Variants in DCDC2C observed in about 807,000 individuals in gnomAD.
DCDC2C encodes the protein doublecortin domain containing 2C, also known as doublecortin domain-containing protein 2C.
DCDC2C carries 44 observed loss-of-function variants against 45.0 expected under a neutral mutation model. The observed-to-expected ratio is 0.98, with a 90% CI of 0.77 to 1.26. The LOEUF is 1.26. DCDC2C is among the 50% of genes most tolerant of loss of function. DCDC2C has a pLI of 0.00. For missense variants in DCDC2C, 447 were observed against 468.9 expected, an observed-to-expected ratio of 0.95 and a Z score of 0.43; for synonymous variants, 187 against 178.8, an observed-to-expected ratio of 1.05 and a Z score of -0.37.
intron 10 of DCDC2C, among the ~76,000 whole-genome samples, chr2:3,822,814 A>G (rs543812595): frequency 3.3e-5 from 5 of 152,096 alleles, no homozygotes; most frequent in African/African-American, 1.2e-4. Context: ...CTCATCTTGT[A>G]TTCTCATGTG....
At chr2:3,769,189 A>G in intron 7 of DCDC2C, 122 bp from the exon 8 acceptor site, 1 of 822,296 alleles carries the variant, frequency 1.2e-6, no homozygotes, top group Non-Finnish European at 1.9e-6. Context: ...ACTGCAGACC[A>G]GGTGGCCTGC....
chr2:3,725,195 C>T (rs1308456216), intron 2 of DCDC2C, among the ~76,000 whole-genome samples: 5 of 152,098 alleles, frequency 3.3e-5, no homozygotes, highest in Admixed American at 6.5e-5. Flanking sequence ...GGCTTAGTGC[C>T]GGCGGGGGCG....
intron 10 of DCDC2C, among the ~76,000 whole-genome samples, chr2:3,794,556 C>T (rs1670908007): frequency 6.6e-6 from 1 of 152,154 alleles, no homozygotes; most frequent in South Asian, 2.1e-4. Context: ...TGATGTTCCC[C>T]TTCCTGTGTC....
intron 9 of DCDC2C, among the ~76,000 whole-genome samples, chr2:3,781,264 C>T (rs371347328): frequency 1.1e-4 from 17 of 152,262 alleles, no homozygotes; most frequent in African/African-American, 4.1e-4. Context: ...TCTCAATGAA[C>T]TGTAGTTCAC....
At chr2:3,738,539 GGAAAAAAAAAAAAA>G (rs1191658979) in intron 3 of DCDC2C, among the ~76,000 whole-genome samples, 2 of 55,248 alleles carry the variant, frequency 3.6e-5, no homozygotes, top group Admixed American at 2.6e-4. Flanking sequence ...GGTCTATCTG[GGAAAAAAAAAAAAA>G]AAAAAAAAAA....
chr2:3,805,092 A>G (rs1671206167), intron 10 of DCDC2C, among the ~76,000 whole-genome samples: 1 of 152,240 alleles, frequency 6.6e-6, no homozygotes. Context: ...CCTCAGCTAC[A>G]AGAATCATGT....
intron 2 of DCDC2C, among the ~76,000 whole-genome samples, chr2:3,713,903 A>T (rs546029443): frequency 1.3e-5 from 2 of 152,224 alleles, no homozygotes; most frequent in Non-Finnish European, 2.9e-5. Context: ...AGCTGATCCT[A>T]TCCAAATTTG....
At chr2:3,731,140 C>T (rs150730926) in intron 3 of DCDC2C, among the ~76,000 whole-genome samples, 2 of 152,210 alleles carry the variant, frequency 1.3e-5, no homozygotes, top group East Asian at 3.9e-4. Flanking sequence ...TTTGCTGATC[C>T]CCTTTGTAAC....
intron 10 of DCDC2C, among the ~76,000 whole-genome samples, chr2:3,840,833 G>A (rs1672194792): frequency 6.6e-6 from 1 of 152,224 alleles, no homozygotes; most frequent in South Asian, 2.1e-4. Context: ...GTTTCGCAGT[G>A]AAAGTGTCCG....
intron 4 of DCDC2C, among the ~76,000 whole-genome samples, chr2:3,749,949 C>A (rs893086240): frequency 6.6e-6 from 1 of 152,100 alleles, no homozygotes; most frequent in Non-Finnish European, 1.5e-5. Context: ...TGAGTTTTTT[C>A]GGGTGCATTT....
chr2:3,705,484 G>T (rs1397273100), intron 1 of DCDC2C, among the ~76,000 whole-genome samples: 3 of 152,196 alleles, frequency 2.0e-5, no homozygotes, highest in Admixed American at 1.3e-4. Context: ...TACAATTAAA[G>T]AATATATCTC....
chr2:3,785,943 C>T (rs536270754), intron 10 of DCDC2C, among the ~76,000 whole-genome samples: 3 of 152,172 alleles, frequency 2.0e-5, no homozygotes, highest in Non-Finnish European at 4.4e-5. Flanking sequence ...CTCCTTAAAA[C>T]CTGATTGCCT....
intron 10 of DCDC2C, among the ~76,000 whole-genome samples, chr2:3,804,989 G>A (rs186890626): frequency 1.3e-5 from 2 of 152,304 alleles, no homozygotes; most frequent in East Asian, 3.9e-4. Flanking sequence ...GATGTATGTA[G>A]CATTACCTTC....
intron 10 of DCDC2C, among the ~76,000 whole-genome samples, chr2:3,811,517 A>T (rs1221460418): frequency 1.3e-5 from 2 of 152,184 alleles, no homozygotes; most frequent in Admixed American, 1.3e-4. Context: ...CAGTCATGTC[A>T]TCTGCAAACA....
intron 6 of DCDC2C, among the ~76,000 whole-genome samples, chr2:3,760,535 G>T (rs1183861465): frequency 1.3e-5 from 2 of 152,212 alleles, no homozygotes; most frequent in African/African-American, 2.4e-5. Flanking sequence ...GCAGGGAAGT[G>T]AATGAAGCTG....
intron 10 of DCDC2C, among the ~76,000 whole-genome samples, chr2:3,797,329 T>A (rs1173605683): frequency 7.5e-6 from 1 of 133,516 alleles, no homozygotes. Context: ...AGCCCCTGGA[T>A]TCGTTAATTT....
intron 10 of DCDC2C, among the ~76,000 whole-genome samples, chr2:3,809,767 G>A (rs111644880): frequency 0.033 from 4,967 of 152,024 alleles, 278 homozygotes; most frequent in African/African-American, 0.11. Flanking sequence ...AACAGGCCCT[G>A]ATGTGTGTTG....
chr2:3,801,486 C>G (rs1671111922), intron 10 of DCDC2C, among the ~76,000 whole-genome samples: 1 of 152,212 alleles, frequency 6.6e-6, no homozygotes, highest in African/African-American at 2.4e-5. Flanking sequence ...AGAAGTAGAA[C>G]ACATTTCTTA....
At chr2:3,837,822 G>A (rs1199400272) in intron 10 of DCDC2C, among the ~76,000 whole-genome samples, 1 of 152,190 alleles carries the variant, frequency 6.6e-6, no homozygotes, top group Admixed American at 6.5e-5. Context: ...TGGTGGGAGG[G>A]TTGGTCCTAT....
Sources: allele counts gnomAD v4.1 joint callset (sites outside exome capture counted in the v4.1 genomes callset), GRCh38; gene constraint gnomAD v4.1.1; transcripts MANE v1.5; gene names NCBI Gene and HGNC (gene_info 2026-07-23, HGNC 2026-07-21).